Variants in NMD3 observed in about 807,000 individuals in gnomAD.
NMD3 encodes the protein 60S ribosomal export protein NMD3.
In NMD3, 47 loss-of-function variants were observed where a neutral mutation model predicts 73.1. The observed-to-expected ratio is 0.64, with a 90% CI of 0.51 to 0.82. The LOEUF (loss-of-function observed/expected upper bound fraction) is 0.82, where lower values mean the gene tolerates loss of function less well. Among genes scored for constraint, NMD3 ranks in the 40% least tolerant of loss-of-function variants. NMD3 has a pLI of 0.00. For synonymous variants in NMD3, 210 were observed against 194.5 expected (o/e 1.08, Z -0.66); for missense variants, 554 against 612.5 (o/e 0.90, Z 1.01).
rs1737501100 is a variant in NMD3 at position 161,251,889 on chromosome 3, AGAAT to A, written c.*983_*986del. On this transcript the variant is annotated 3_prime_UTR_variant, in exon 16 of 16. Coordinates refer to ENST00000351193, the MANE Select transcript of NMD3 (RefSeq NM_015938.5). Reference sequence around the variant, plus strand: ...GTGGCTTACGTTTTGAAGTATTCTGAGAATGAAGTATTAAGATCCAATTTCTATA... The same window carrying A: ...GTGGCTTACGTTTTGAAGTATTCTGAGAAGTATTAAGATCCAATTTCTATA... 5 of 152,382 alleles carry A rather than the reference AGAAT, an allele frequency of 3.3e-5. No individual in the cohort carries two copies. The South Asian group carries it at 1.0e-3, about 32-fold the overall frequency. The allele number at this position is 152,382 out of a possible 1,614,324, so 9.4% of individuals were successfully genotyped here.
chr3:161,238,947 T>G, intron 9 of NMD3, 121 bp downstream of exon 9: 2 of 539,716 alleles, frequency 3.7e-6, no homozygotes, highest in Non-Finnish European at 3.3e-6. Flanking sequence ...AATAAGTTCC[T>G]TAAGTGACTT....
intron 2 of NMD3, among the ~76,000 whole-genome samples, chr3:161,223,790 G>T (rs1322498808): frequency 2.0e-5 from 3 of 152,088 alleles, no homozygotes; most frequent in African/African-American, 4.8e-5. Flanking sequence ...TTTCTTTTTG[G>T]TTTTTGCCAT....
At chr3:161,235,739 T>C (rs1192729421) in intron 7 of NMD3, among the ~76,000 whole-genome samples, 1 of 152,168 alleles carries the variant, frequency 6.6e-6, no homozygotes, top group Non-Finnish European at 1.5e-5. Context: ...TCTCAGGTAT[T>C]CTACCCCTTG....
intron 3 of NMD3, among the ~76,000 whole-genome samples, chr3:161,225,603 T>C (rs1023726579): frequency 1.3e-5 from 2 of 152,326 alleles, no homozygotes; most frequent in Middle Eastern, 3.4e-3. Flanking sequence ...TAATGTTTCA[T>C]TCCTCTTGAT....
chr3:161,225,921 G>T (rs1736297457), intron 3 of NMD3, among the ~76,000 whole-genome samples: 1 of 151,936 alleles, frequency 6.6e-6, no homozygotes, highest in South Asian at 2.1e-4. Context: ...CTGTTTCAGG[G>T]AGTTTACAGT....
At chr3:161,227,115 G>A (rs1486606772) in intron 3 of NMD3, 132 bp from the exon 4 acceptor site, 3 of 533,892 alleles carry the variant, frequency 5.6e-6, no homozygotes, top group Non-Finnish European at 1.0e-5. Flanking sequence ...ATATGTTTGA[G>A]TTAAGTGCTT....
intron 11 of NMD3, among the ~76,000 whole-genome samples, 195 bp from the exon 12 acceptor site, chr3:161,246,141 G>A (rs1035426108): frequency 1.3e-5 from 2 of 152,028 alleles, no homozygotes; most frequent in Admixed American, 6.6e-5. Flanking sequence ...TTTATGAATT[G>A]TTTGTGAGTC....
At chr3:161,246,114 A>G (rs536784511) in intron 11 of NMD3, among the ~76,000 whole-genome samples, 1 of 152,324 alleles carries the variant, frequency 6.6e-6, no homozygotes, top group Admixed American at 6.5e-5. Flanking sequence ...AATCTTAGAA[A>G]AAGTCAATGA....
chr3:161,238,110 A>G lies in NMD3; in HGVS notation c.578-3A>G. 6.6e-7 allele frequency: 1 copy of G among 1,526,102 alleles called. No homozygotes were observed. The highest frequency in any genetic ancestry group is 8.8e-7 in the Non-Finnish European group (1 of 1,131,268). The allele number at this position is 1,526,102 out of a possible 1,614,324, so 94.5% of individuals were successfully genotyped here. A position where few individuals can be genotyped will look rare whatever the true frequency, so the allele number is the denominator to read the frequency against. On this transcript the variant is annotated splice_region_variant and splice_polypyrimidine_tract_variant and intron_variant, in intron 7 of 15. Coordinates refer to ENST00000351193, the MANE Select transcript of NMD3 (RefSeq NM_015938.5). ...TTCATAGGGCTTTTTTTTTTTTTTTAAGATGGTCTGGATTTTTATTATTCC... is the reference window on the plus strand; with the variant it reads ...TTCATAGGGCTTTTTTTTTTTTTTTGAGATGGTCTGGATTTTTATTATTCC...
chr3:161,249,428 T>C (rs761083093), intron 13 of NMD3, 26 bp from the exon 14 acceptor site: 2 of 1,476,166 alleles, frequency 1.4e-6, no homozygotes, highest in Admixed American at 1.9e-5. Context: ...CCATTCTTTG[T>C]AACTTTACAA....
At position 161,244,448 on chromosome 3, in the gene NMD3, C is replaced by A. The variant is rs549093968; in HGVS notation, c.1017+1795C>A. On this transcript the variant is annotated intron_variant, in intron 11 of 15. Transcript: ENST00000351193. The stretch of plus-strand genomic sequence containing the variant: ...CTGGCCTATGCATAAATTATTAATT[C>A]TTTTAGCAAATATTTTTAGAGTAAA... Among the ~76,000 whole-genome samples, 240 of 152,230 alleles carry A rather than the reference C, an allele frequency of 1.6e-3. 2 individuals are homozygous for A. The highest frequency in any genetic ancestry group is 2.7e-3 in the Non-Finnish European group (186 of 68,018).
rs184331257 is a variant in NMD3, at chr3:161,234,936, C to T, written c.486+81C>T. ...TATAACTTTTCCTTCTTTCTAAATCCAGGGATAGTCTGGGTCCCTGAAGCA... is the reference window on the plus strand; with the variant it reads ...TATAACTTTTCCTTCTTTCTAAATCTAGGGATAGTCTGGGTCCCTGAAGCA... On this transcript the variant is annotated intron_variant, in intron 6 of 15. Transcript: ENST00000351193. 1,446 of 1,444,160 alleles carry T rather than the reference C, an allele frequency of 1.0e-3. 21 individuals are homozygous for T. The South Asian group carries it at 0.012, about 12-fold the overall frequency. The allele number at this position is 1,444,160 out of a possible 1,614,324, so 89.5% of individuals were successfully genotyped here. A position where few individuals can be genotyped will look rare whatever the true frequency, so the allele number is the denominator to read the frequency against.
chr3:161,225,143 C>T (rs922268196), intron 3 of NMD3, 79 bp downstream of exon 3: 3 of 1,457,030 alleles, frequency 2.1e-6, no homozygotes, highest in African/African-American at 2.9e-5. Flanking sequence ...TGAGATTACA[C>T]GAAGGTATAT....
chr3:161,226,754 A>G (rs191202857), intron 3 of NMD3, among the ~76,000 whole-genome samples: 1 of 152,306 alleles, frequency 6.6e-6, no homozygotes, highest in Non-Finnish European at 1.5e-5. Flanking sequence ...AAGATTTTAA[A>G]TGTTGTTTTA....
chr3:161,245,387 A>C (rs1267117982), intron 11 of NMD3, among the ~76,000 whole-genome samples: 3 of 152,010 alleles, frequency 2.0e-5, no homozygotes, highest in African/African-American at 7.2e-5. Flanking sequence ...GAAGAGGTTA[A>C]TAAATTTCTT....
At chr3:161,238,041 TATAGTCATGTTAG>T in intron 7 of NMD3, 59 bp from the exon 8 acceptor site, 1 of 972,318 alleles carries the variant, frequency 1.0e-6, no homozygotes, top group South Asian at 1.5e-5. Flanking sequence ...TAATTTATAA[TATAGTCATGTTAG>T]TAGAGGAGAA....
chr3:161,235,129 A>T lies in NMD3; in HGVS notation c.494A>T (p.His165Leu), dbSNP rs753152465. 2 of 1,484,780 alleles carry T rather than the reference A, an allele frequency of 1.3e-6. No individual in the cohort carries two copies. Among genetic ancestry groups the T allele is most frequent in the Admixed American group, 3.9e-5 (2 of 51,838 alleles). 92.0% of individuals were successfully genotyped at this position (1,484,780 alleles called of 1,614,324 possible). A position where few individuals can be genotyped will look rare whatever the true frequency, so the allele number is the denominator to read the frequency against. Residue 165 changes from histidine (H) to leucine (L), a missense_variant, in exon 7 of 16, where the codon CAT (histidine) becomes CTT (leucine). His to Leu is a moderately conservative substitution (Grantham distance 99). Coordinates refer to ENST00000351193, the MANE Select transcript of NMD3 (RefSeq NM_015938.5). ...AAATAATTTATATTTTAGACTTTGC[A>T]TAAAAAAACTTTCTACTATCTGGAA... ...AVIQVRQKTL[H>L]KKTFYYLEQL...
intron 9 of NMD3, among the ~76,000 whole-genome samples, chr3:161,240,526 A>AGTTTTTTTTTTTT (rs1736929389): frequency 9.0e-6 from 1 of 111,728 alleles, no homozygotes; most frequent in East Asian, 3.3e-4. Context: ...TGGGCCCTGG[A>AGTTTTTTTTTTTT]TTTTTTTTTT....
chr3:161,228,971 TGA>T (rs1283537487), intron 4 of NMD3, among the ~76,000 whole-genome samples: 1 of 152,198 alleles, frequency 6.6e-6, no homozygotes. Flanking sequence ...GGGTGACATT[TGA>T]GTAAACACTA....
Sources: gnomAD v4.1 joint callset for allele counts (sites outside exome capture counted in the v4.1 genomes callset) on GRCh38, gnomAD v4.1.1 for gene constraint, MANE v1.5 for transcripts, NCBI Gene and HGNC (gene_info 2026-07-23, HGNC 2026-07-21) for gene names.